Variants in CADPS observed in about 807,000 individuals in gnomAD.
CADPS encodes calcium dependent secretion activator, also known as calcium-dependent secretion activator 1.
In CADPS, 57 loss-of-function variants were observed where a neutral mutation model predicts 167.3. The ratio of observed to expected loss-of-function variants is 0.34; its 90% CI spans 0.28 to 0.42. CADPS has a LOEUF of 0.42. Among genes scored for constraint, CADPS ranks in the 20% least tolerant of loss-of-function variants. The probability of loss-of-function intolerance (pLI) is 1.00; values close to 1 mark genes in which losing one functional copy is unlikely to be tolerated. For synonymous variants in CADPS, 676 were observed against 635.3 expected, an observed-to-expected ratio of 1.06 and a Z score of -0.96; for missense variants, 1,414 against 1,738.1, an observed-to-expected ratio of 0.81 and a Z score of 3.32.
At chr3:62,840,574 T>C (rs538642172) in intron 1 of CADPS, among the ~76,000 whole-genome samples, 6 of 152,124 alleles carry the variant, frequency 3.9e-5, no homozygotes, top group Non-Finnish European at 5.9e-5. Flanking sequence ...TTTTTATATA[T>C]GTATATATAA....
intron 3 of CADPS, among the ~76,000 whole-genome samples, chr3:62,671,947 A>T (rs1202583709): frequency 6.6e-6 from 1 of 151,676 alleles, no homozygotes; most frequent in Non-Finnish European, 1.5e-5. Flanking sequence ...ATTTATTTTA[A>T]TTTTTTTTAT....
chr3:62,658,284 T>A lies in CADPS; in HGVS notation c.969+4030A>T, dbSNP rs144850594. ...GGGTCTAAATGAGATTTTATGTGAATTGCACAGCCAGTGTCTGACTGACAC... is the reference window on the plus strand; with the variant it reads ...GGGTCTAAATGAGATTTTATGTGAAATGCACAGCCAGTGTCTGACTGACAC... On this transcript the variant is annotated intron_variant, in intron 4 of 29. Transcript: ENST00000383710. Among the ~76,000 whole-genome samples the A allele has an allele frequency of 2.3e-3, 347 of 152,222 alleles. 3 individuals are homozygous for A. The highest frequency in any genetic ancestry group is 0.01 in the Middle Eastern group (3 of 294).
At chr3:62,858,918 A>AT (rs2080221785) in intron 1 of CADPS, among the ~76,000 whole-genome samples, 1 of 152,156 alleles carries the variant, frequency 6.6e-6, no homozygotes, top group African/African-American at 2.4e-5. Context: ...AAATGTTTGG[A>AT]TTTTTAAAAA....
At chr3:62,513,662 A>G in intron 16 of CADPS, 1 of 1,594,270 alleles carries the variant, frequency 6.3e-7, no homozygotes, top group Non-Finnish European at 8.6e-7. Flanking sequence ...ATCACTTGGG[A>G]GGCCAAGCAG....
chr3:62,521,735 A>G (rs934517017), intron 13 of CADPS, among the ~76,000 whole-genome samples: 2 of 152,176 alleles, frequency 1.3e-5, no homozygotes, highest in African/African-American at 4.8e-5. Flanking sequence ...CAGGCTTTTT[A>G]GCATCCATTG....
At chr3:62,767,790 C>T (rs1248951286) in intron 1 of CADPS, among the ~76,000 whole-genome samples, 1 of 151,980 alleles carries the variant, frequency 6.6e-6, no homozygotes, top group Non-Finnish European at 1.5e-5. Flanking sequence ...TTTATAGTAG[C>T]CACATTAAAA....
At chr3:62,596,696 C>G (rs958197353) in intron 6 of CADPS, among the ~76,000 whole-genome samples, 1 of 152,100 alleles carries the variant, frequency 6.6e-6, no homozygotes, top group Non-Finnish European at 1.5e-5. Flanking sequence ...AAATCAGTCC[C>G]CTTATCTTGC....
chr3:62,831,289 G>A (rs1393141442), intron 1 of CADPS, among the ~76,000 whole-genome samples: 1 of 152,200 alleles, frequency 6.6e-6, no homozygotes, highest in South Asian at 2.1e-4. Context: ...CTAATAGAGA[G>A]AGGTGAAATA....
At chr3:62,847,268 T>C (rs1264177924) in intron 1 of CADPS, among the ~76,000 whole-genome samples, 1 of 148,730 alleles carries the variant, frequency 6.7e-6, no homozygotes, top group Admixed American at 6.6e-5. Flanking sequence ...TTTCTTTTTT[T>C]TTTTTTTTTT....
At chr3:62,692,271 A>G (rs2079284496) in intron 3 of CADPS, among the ~76,000 whole-genome samples, 1 of 140,724 alleles carries the variant, frequency 7.1e-6, no homozygotes, top group Non-Finnish European at 1.5e-5. Flanking sequence ...CAGTCCCTGC[A>G]TTTTAACCCC....
At chr3:62,442,457 G>A (rs1157581272) in intron 27 of CADPS, among the ~76,000 whole-genome samples, 1 of 152,088 alleles carries the variant, frequency 6.6e-6, no homozygotes, top group Non-Finnish European at 1.5e-5. Flanking sequence ...GAACTCAGGT[G>A]ATCCACCCAC....
intron 18 of CADPS, among the ~76,000 whole-genome samples, chr3:62,498,551 A>G (rs571349178): frequency 6.6e-6 from 1 of 152,228 alleles, no homozygotes; most frequent in Admixed American, 6.5e-5. Flanking sequence ...TAGCCTTGAA[A>G]TCCCTTGGTT....
At chr3:62,673,382 G>T (rs2075865343) in intron 3 of CADPS, among the ~76,000 whole-genome samples, 1 of 152,192 alleles carries the variant, frequency 6.6e-6, no homozygotes, top group African/African-American at 2.4e-5. Context: ...GTAAATGAAA[G>T]TGAGTATTTA....
In CADPS at chr3:62,819,063, G is replaced by A. The variant is rs921382007; in HGVS notation, c.442-53079C>T. 2.6e-5 allele frequency among the ~76,000 whole-genome samples: 4 copies of A among 152,100 alleles called. No homozygotes were observed. In the East Asian group the frequency reaches 5.8e-4, roughly 22 times the overall value. ...CAGGGATTGACTGTAGGGGGCATGAGGGAACTTTCTAGAGTGATGAAAATG... is the reference window on the plus strand; with the variant it reads ...CAGGGATTGACTGTAGGGGGCATGAAGGAACTTTCTAGAGTGATGAAAATG... On this transcript the variant is annotated intron_variant, in intron 1 of 29. Coordinates refer to ENST00000383710, the MANE Select transcript of CADPS (RefSeq NM_003716.4).
intron 1 of CADPS, among the ~76,000 whole-genome samples, chr3:62,788,908 C>A (rs1347079255): frequency 6.6e-6 from 1 of 152,150 alleles, no homozygotes; most frequent in Non-Finnish European, 1.5e-5. Flanking sequence ...TGTGACTCGT[C>A]TTAAGTAGGA....
intron 29 of CADPS, among the ~76,000 whole-genome samples, chr3:62,400,819 T>C (rs1436105755): frequency 3.9e-5 from 6 of 152,068 alleles, no homozygotes; most frequent in Non-Finnish European, 8.8e-5. Flanking sequence ...AGGATGGTCT[T>C]GATCTCCTGA....
intron 2 of CADPS, among the ~76,000 whole-genome samples, chr3:62,760,495 C>G (rs886391919): frequency 7.2e-5 from 11 of 152,072 alleles, no homozygotes; most frequent in Non-Finnish European, 1.6e-4. Flanking sequence ...CCCCAAGAGG[C>G]TGAGGTTCCT....
intron 28 of CADPS, among the ~76,000 whole-genome samples, chr3:62,436,612 G>A (rs1017244878): frequency 2.0e-5 from 3 of 152,206 alleles, no homozygotes; most frequent in African/African-American, 7.2e-5. Context: ...AGGACCCGCT[G>A]GTGAGCTTTA....
At chr3:62,622,896 A>G (rs547292821) in intron 6 of CADPS, among the ~76,000 whole-genome samples, 4 of 152,334 alleles carry the variant, frequency 2.6e-5, no homozygotes, top group African/African-American at 7.2e-5. Context: ...TTGTTGCAGA[A>G]ATATTTCAGC....
Sources: gnomAD v4.1 joint callset for allele counts (sites outside exome capture counted in the v4.1 genomes callset) on GRCh38, gnomAD v4.1.1 for gene constraint, MANE v1.5 for transcripts, NCBI Gene and HGNC (gene_info 2026-07-23, HGNC 2026-07-21) for gene names.